Variants in PIGU observed in about 807,000 individuals in gnomAD.
PIGU encodes the protein GPI-anchor transamidase component PIGU.
PIGU carries 24 observed loss-of-function variants against 49.9 expected under a neutral mutation model. That is an observed-to-expected ratio of 0.48 (90% CI 0.35 to 0.68). The LOEUF is 0.68. Among genes scored for constraint, PIGU ranks in the 30% least tolerant of loss-of-function variants. PIGU has a pLI of 0.01. For missense variants in PIGU, 490 were observed against 532.6 expected, an observed-to-expected ratio of 0.92 and a Z score of 0.79; for synonymous variants, 220 against 205.7, an observed-to-expected ratio of 1.07 and a Z score of -0.59.
chr20:34,642,967 T>C (rs1399765778), intron 4 of PIGU, among the ~76,000 whole-genome samples: 1 of 151,800 alleles, frequency 6.6e-6, no homozygotes, highest in African/African-American at 2.4e-5. Flanking sequence ...CCCAACCTAT[T>C]TCGGAGAAGA....
intron 7 of PIGU, among the ~76,000 whole-genome samples, chr20:34,604,352 TGTGAAAGGG>T (rs1355572209): frequency 1.3e-5 from 2 of 152,208 alleles, no homozygotes; most frequent in East Asian, 3.9e-4. Context: ...TCAGACACGA[TGTGAAAGGG>T]AAAAAGCCAG....
intron 6 of PIGU, among the ~76,000 whole-genome samples, chr20:34,624,479 C>T (rs1985377868): frequency 6.6e-6 from 1 of 152,152 alleles, no homozygotes; most frequent in African/African-American, 2.4e-5. Flanking sequence ...CTTCTTTCTC[C>T]TTGGCAAGCA....
intron 10 of PIGU, among the ~76,000 whole-genome samples, chr20:34,581,029 C>T (rs1600596410): frequency 6.6e-6 from 1 of 152,146 alleles, no homozygotes; most frequent in East Asian, 1.9e-4. Flanking sequence ...CATGTGGCTT[C>T]TGAAATTTAA....
chr20:34,668,888 T>A (rs950529234), intron 1 of PIGU, among the ~76,000 whole-genome samples: 6 of 132,012 alleles, frequency 4.5e-5, no homozygotes, highest in African/African-American at 8.5e-5. Flanking sequence ...TTTTTTTTTT[T>A]TTTTTTTTTT....
chr20:34,605,749 T>C (rs1488536735), intron 7 of PIGU, among the ~76,000 whole-genome samples: 1 of 152,314 alleles, frequency 6.6e-6, no homozygotes, highest in South Asian at 2.1e-4. Context: ...TGCAGAAAAG[T>C]TGGAAGAGTA....
intron 8 of PIGU, among the ~76,000 whole-genome samples, chr20:34,587,350 C>T (rs1324952521): frequency 6.6e-6 from 1 of 151,986 alleles, no homozygotes; most frequent in African/African-American, 2.4e-5. Flanking sequence ...AGAGTTTTGT[C>T]GGGGGGGTTT....
intron 1 of PIGU, among the ~76,000 whole-genome samples, chr20:34,658,372 G>A (rs1986784031): frequency 1.3e-5 from 2 of 152,212 alleles, no homozygotes; most frequent in Admixed American, 6.5e-5. Context: ...ACCTGCCTTG[G>A]CCTCCCAAAG....
At chr20:34,585,641 CCTTGATT>C in intron 8 of PIGU, 61 bp from the exon 9 acceptor site, 1 of 1,569,306 alleles carries the variant, frequency 6.4e-7, no homozygotes, top group Non-Finnish European at 8.7e-7. Flanking sequence ...TCTGCTTTGA[CCTTGATT>C]TCTCCTGAAG....
At position 34,657,258 on chromosome 20, in the gene PIGU, T is replaced by C. The variant is rs1986732096; in HGVS notation, c.131-14A>G. ...GGCCTTCAACCACTGAAAAATTAGA[T>C]ATACAAGTTCACTCAGACTAAGCAG... On this transcript the variant is annotated splice_polypyrimidine_tract_variant and intron_variant, in intron 1 of 11. Transcript: ENST00000217446. 2.5e-6 allele frequency: 4 copies of C among 1,604,738 alleles called. No individual in the cohort carries two copies. The highest frequency in any genetic ancestry group is 3.4e-6 in the Non-Finnish European group (4 of 1,171,654).
intron 7 of PIGU, among the ~76,000 whole-genome samples, chr20:34,614,717 C>T (rs1228071191): frequency 6.6e-6 from 1 of 151,846 alleles, no homozygotes; most frequent in Non-Finnish European, 1.5e-5. Context: ...TCTCAAATTC[C>T]CCAAATAAGA....
intron 1 of PIGU, among the ~76,000 whole-genome samples, chr20:34,667,018 T>G (rs1254358066): frequency 3.3e-5 from 5 of 151,960 alleles, no homozygotes; most frequent in African/African-American, 9.7e-5. Flanking sequence ...TAATTCTTAT[T>G]TTTTGTAGAG....
chr20:34,572,214 ATTATTT>A (rs1247551128), intron 11 of PIGU, among the ~76,000 whole-genome samples: 2 of 151,806 alleles, frequency 1.3e-5, no homozygotes, highest in African/African-American at 4.8e-5. Flanking sequence ...TTTACTAATT[ATTATTT>A]TTATTATTTA....
In PIGU at chr20:34,654,153, G is replaced by A. The variant is rs532504850; in HGVS notation, c.195+3027C>T. On this transcript the variant is annotated intron_variant, in intron 2 of 11. Coordinates refer to ENST00000217446, the MANE Select transcript of PIGU (RefSeq NM_080476.5). ...ATTACAGGCGTGAGCCACCGTGCCC[G>A]GCCCTGTGTGCTTATTAAGAGTCTC... 1.6e-4 allele frequency among the ~76,000 whole-genome samples: 15 copies of A among 92,504 alleles called. 4 individuals carry two copies. Among genetic ancestry groups the A allele is most frequent in the African/African-American group, 5.3e-4 (14 of 26,260 alleles). The allele number at this position is 92,504 out of a possible 152,430, so 60.7% of individuals were successfully genotyped here.
chr20:34,565,344 G>A (rs945039190), intron 11 of PIGU, among the ~76,000 whole-genome samples: 4 of 151,688 alleles, frequency 2.6e-5, no homozygotes, highest in East Asian at 1.9e-4. Context: ...TGCAACCTCC[G>A]CGGTTCAAGT....
chr20:34,593,049 A>C (rs1984054969), intron 7 of PIGU, among the ~76,000 whole-genome samples: 2 of 152,158 alleles, frequency 1.3e-5, no homozygotes, highest in Admixed American at 1.3e-4. Context: ...AGAAAATAGA[A>C]AATTGGCCCA....
chr20:34,595,056 A>G (rs971360023), intron 7 of PIGU, among the ~76,000 whole-genome samples: 3 of 138,192 alleles, frequency 2.2e-5, no homozygotes, highest in African/African-American at 8.1e-5. Context: ...AGATCGCGCC[A>G]CTGCACTCCA....
chr20:34,576,711 T>A (rs2424995), intron 10 of PIGU, among the ~76,000 whole-genome samples: 6,255 of 152,306 alleles, frequency 0.041, 207 homozygotes, highest in Non-Finnish European at 0.073. Flanking sequence ...AGCCTCGAAT[T>A]CCTGGGCTCC....
chr20:34,584,583 C>T (rs527442759), intron 9 of PIGU, among the ~76,000 whole-genome samples: 33 of 148,852 alleles, frequency 2.2e-4, no homozygotes, highest in African/African-American at 7.9e-4. Flanking sequence ...ACAAGCAGCT[C>T]GCTGAAGCCT....
chr20:34,655,296 C>T (rs1241388787), intron 2 of PIGU, among the ~76,000 whole-genome samples: 1 of 118,796 alleles, frequency 8.4e-6, no homozygotes, highest in Non-Finnish European at 1.8e-5. Context: ...GGTGACAGAG[C>T]AAGACCCTGT....
Sources: allele counts gnomAD v4.1 joint callset (sites outside exome capture counted in the v4.1 genomes callset), GRCh38; gene constraint gnomAD v4.1.1; transcripts MANE v1.5; gene names NCBI Gene and HGNC (gene_info 2026-07-23, HGNC 2026-07-21).